Variants in FRMD7 observed in about 807,000 individuals in gnomAD.
The protein encoded by FRMD7 is FERM domain-containing protein 7.
Under a neutral mutation model 44.1 loss-of-function variants are expected in FRMD7, and 14 were observed. The observed-to-expected ratio is 0.32, with a 90% confidence interval of 0.21 to 0.50. FRMD7 has a LOEUF of 0.50. FRMD7 is among the 20% of genes least tolerant of loss of function. FRMD7 has a pLI of 0.99. For missense variants in FRMD7, 501 were observed against 522.3 expected (o/e 0.96, Z 0.40); for synonymous variants, 212 against 187.4 (o/e 1.13, Z -1.07).
rs780792426 is a variant in FRMD7, at chrX:132,097,405, A to G, written c.206-61T>C. 11 of 424,101 alleles carry G rather than the reference A, an allele frequency of 2.6e-5. No individual in the cohort carries two copies. The South Asian group carries it at 3.8e-4, about 15-fold the overall frequency. The allele number at this position is 424,101 out of a possible 1,213,427, so 35.0% of individuals were successfully genotyped here. A position where few individuals can be genotyped will look rare whatever the true frequency, so the allele number is the denominator to read the frequency against. On this transcript the variant is annotated intron_variant, in intron 3 of 11. Coordinates refer to ENST00000298542, the MANE Select transcript of FRMD7 (RefSeq NM_194277.3). Reference sequence around the variant, plus strand: ...TGTCCATCACAACAGTTATAGGTACACACACACACACACACACACACACCC... The same window carrying G: ...TGTCCATCACAACAGTTATAGGTACGCACACACACACACACACACACACCC...
chrX:132,112,624 G>C (rs1203939998), intron 1 of FRMD7, among the ~76,000 whole-genome samples: 1 of 111,779 alleles, frequency 8.9e-6, no homozygotes, highest in Admixed American at 9.5e-5. Flanking sequence ...AAAGATGGAA[G>C]GCTTAACGTT....
chrX:132,124,334 A>T (rs751523034), intron 1 of FRMD7, among the ~76,000 whole-genome samples: 101 of 112,170 alleles, frequency 9.0e-4, no homozygotes, highest in African/African-American at 3.1e-3. Context: ...CTTCCTTGAC[A>T]GTCTAAAGAT....
At position 132,078,543 on chromosome X, in the gene FRMD7, G is replaced by T. The variant is rs143451711; in HGVS notation, c.1474C>A (p.Pro492Thr). 2 of 1,209,674 alleles carry T rather than the reference G, an allele frequency of 1.7e-6. No homozygotes were observed. Among genetic ancestry groups the T allele is most frequent in the African/African-American group, 3.5e-5 (2 of 57,176 alleles). ...TCCACATAAAAAAAGACCTGGGGAG[G>T]CATAATACCAACCTGCTGACCTGTA... ...PCTGQQVGIM[P>T]PQVFFYVDKP... The change falls in exon 12 of 12, where the codon CCT becomes ACT. Residue 492 changes from proline (P) to threonine (T), a missense_variant. By Grantham distance (38) the Pro-to-Thr change is conservative. This residue lies in a region of FRMD7 where 453 missense variants were observed against 452.7 expected (regional missense o/e 1.00). Coordinates refer to ENST00000298542, the MANE Select transcript of FRMD7 (RefSeq NM_194277.3).
intron 5 of FRMD7, among the ~76,000 whole-genome samples, chrX:132,093,212 A>G (rs1928231880): frequency 8.9e-6 from 1 of 112,227 alleles, no homozygotes; most frequent in Non-Finnish European, 1.9e-5. Context: ...CGGTGAAATT[A>G]GAAATCTGTC....
chrX:132,097,497 A>G (rs1160130244), intron 3 of FRMD7, among the ~76,000 whole-genome samples, 153 bp from the exon 4 acceptor site: 2 of 110,158 alleles, frequency 1.8e-5, no homozygotes, highest in Admixed American at 1.9e-4. Context: ...CTGTGTTTCC[A>G]TTTATCACAT....
At position 132,077,608 on chromosome X, in the gene FRMD7, G is replaced by T; in HGVS notation, c.*264C>A. 1 of 380,929 alleles carries T rather than the reference G, an allele frequency of 2.6e-6. No homozygotes were observed. Among genetic ancestry groups the T allele is most frequent in the East Asian group, 4.6e-5 (1 of 21,688 alleles). 31.4% of individuals were successfully genotyped at this position (380,929 alleles called of 1,213,427 possible). The stretch of plus-strand genomic sequence containing the variant: ...CAATGTCTCTATGAGGAAGTATGCA[G>T]TGGAGATGACAAATACCCACCTTGC... On this transcript the variant is annotated 3_prime_UTR_variant, in exon 12 of 12. Transcript: ENST00000298542.
intron 1 of FRMD7, among the ~76,000 whole-genome samples, chrX:132,114,962 A>G (rs1569348195): frequency 8.9e-6 from 1 of 112,294 alleles, no homozygotes; most frequent in East Asian, 2.8e-4. Flanking sequence ...TTGGACTTAC[A>G]ATGGCAACCA....
intron 1 of FRMD7, among the ~76,000 whole-genome samples, chrX:132,107,270 A>G (rs1928670320): frequency 8.9e-6 from 1 of 112,115 alleles, no homozygotes; most frequent in South Asian, 3.7e-4. Context: ...TCTTATAGAT[A>G]GAGGCTTCCC....
At chrX:132,081,642 G>A (rs1259429225) in intron 9 of FRMD7, among the ~76,000 whole-genome samples, 1 of 112,590 alleles carries the variant, frequency 8.9e-6, no homozygotes, top group Non-Finnish European at 1.9e-5. Context: ...TACTGGGGTA[G>A]GATATCACTC....
At chrX:132,108,269 G>A (rs1483806008) in intron 1 of FRMD7, among the ~76,000 whole-genome samples, 1 of 111,949 alleles carries the variant, frequency 8.9e-6, no homozygotes, top group Non-Finnish European at 1.9e-5. Flanking sequence ...GAATAATAAT[G>A]AGCATGGAGT....
intron 1 of FRMD7, among the ~76,000 whole-genome samples, chrX:132,121,548 G>C (rs1321897286): frequency 9.2e-6 from 1 of 108,481 alleles, no homozygotes; most frequent in African/African-American, 3.4e-5. Flanking sequence ...TTTAACCTTT[G>C]TTAGGACCCT....
intron 1 of FRMD7, among the ~76,000 whole-genome samples, chrX:132,105,498 G>GA (rs1249478700): frequency 3.6e-5 from 4 of 111,195 alleles, no homozygotes; most frequent in Admixed American, 1.9e-4. Flanking sequence ...CACAGAACTA[G>GA]AAAAAAAATT....
intron 1 of FRMD7, among the ~76,000 whole-genome samples, chrX:132,109,728 C>T (rs1017489625): frequency 9.0e-6 from 1 of 111,336 alleles, no homozygotes; most frequent in Non-Finnish European, 1.9e-5. Context: ...TGGGTGAGGG[C>T]GTAGTAGAAA....
Position 132,098,556 on chromosome X carries a change from C to G in FRMD7, c.205+912G>C, listed in dbSNP as rs150097502. 2.2e-4 allele frequency among the ~76,000 whole-genome samples: 24 copies of G among 111,144 alleles called. No homozygotes were observed. In the East Asian group the frequency reaches 6.5e-3, roughly 30 times the overall value. ...TTTGGAAGCTGTTGGAATAATGTGA[C>G]AGGTGATCCTTATGCAGTGGGAACA... On this transcript the variant is annotated intron_variant, in intron 3 of 11. Coordinates refer to ENST00000298542, the MANE Select transcript of FRMD7 (RefSeq NM_194277.3).
chrX:132,078,872 TTCC>T lies in FRMD7; in HGVS notation c.1142_1144del (p.Arg381del), dbSNP rs2124209815. On this transcript the variant is annotated inframe_deletion, in exon 12 of 12. Transcript: ENST00000298542. ...TGCAAATGTCACCTCCAATGCAGAA[TTCC>T]TCCTCCTACTCTCCAGCACTGGCTC... 8.3e-7 allele frequency: 1 copy of T among 1,204,946 alleles called. No homozygotes were observed. Among genetic ancestry groups the T allele is most frequent in the East Asian group, 3.0e-5 (1 of 33,783 alleles).
Position 132,115,937 on chromosome X carries a change from G to A in FRMD7, c.57+11851C>T, listed in dbSNP as rs190487684. Among the ~76,000 whole-genome samples, 16 of 110,427 alleles carry A rather than the reference G, an allele frequency of 1.4e-4. No homozygotes were observed. In the East Asian group the frequency reaches 4.3e-3, roughly 30 times the overall value. ...ACTTTGGGGAAGTCTGAGGCAGGGC[G>A]TTTCTCATTTCTTCTGGCAACCCCA... On this transcript the variant is annotated intron_variant, in intron 1 of 11. Coordinates refer to ENST00000298542, the MANE Select transcript of FRMD7 (RefSeq NM_194277.3).
chrX:132,105,777 T>C (rs979995477), intron 1 of FRMD7, among the ~76,000 whole-genome samples: 1 of 111,784 alleles, frequency 8.9e-6, no homozygotes, highest in Admixed American at 9.5e-5. Context: ...CCATATTCAA[T>C]AAATGGTGCC....
Position 132,078,321 on chromosome X carries a change from C to G in FRMD7, c.1696G>C (p.Gly566Arg). 1 of 1,211,851 alleles carries G rather than the reference C, an allele frequency of 8.3e-7. No homozygotes were observed. The highest frequency in any genetic ancestry group is 1.1e-6 in the Non-Finnish European group (1 of 895,373). ...RTSGRSNINV[G>R]LEEEDPNLED... ...AAATTTGGGTCTTCCTCTTCTAGAC[C>G]TACATTGATGTTGCTCCTACCGCTA... The change falls in exon 12 of 12, where the codon GGT (glycine) becomes CGT (arginine). Residue 566 changes from glycine to arginine, a missense_variant. Physicochemically the swap from Gly to Arg is moderately radical, Grantham distance 125. Coordinates refer to ENST00000298542, the MANE Select transcript of FRMD7 (RefSeq NM_194277.3).
rs1927695620 is a variant in FRMD7, at chrX:132,078,526, A to G, written c.1491T>C (p.Phe497=). Residue 497 remains phenylalanine (F), a synonymous_variant, in exon 12 of 12, where the codon TTT becomes TTC. Transcript: ENST00000298542. ...GCACCTGGGGTGGCTTGTCCACATAAAAAAAGACCTGGGGAGGCATAATAC... is the reference window on the plus strand; with the variant it reads ...GCACCTGGGGTGGCTTGTCCACATAGAAAAAGACCTGGGGAGGCATAATAC... ...QVGIMPPQVF[F]YVDKPPQVPR... 8.3e-7 allele frequency: 1 copy of G among 1,211,513 alleles called. No individual in the cohort carries two copies. Among genetic ancestry groups the G allele is most frequent in the African/African-American group, 1.7e-5 (1 of 57,744 alleles).
Sources: gnomAD v4.1 joint callset for allele counts (sites outside exome capture counted in the v4.1 genomes callset) on GRCh38, gnomAD v4.1.1 for gene constraint, gnomAD v4.1.1 regional missense constraint, MANE v1.5 for transcripts, NCBI Gene and HGNC (gene_info 2026-07-23, HGNC 2026-07-21) for gene names.